The following BAALC variants were observed in gnomAD, a reference collection of about 807,000 sequenced individuals.
BAALC encodes brain and acute leukemia cytoplasmic protein.
In BAALC, 9 loss-of-function variants were observed where a neutral mutation model predicts 15.5. The observed-to-expected ratio is 0.58, with a 90% CI of 0.35 to 1.02. BAALC has a LOEUF of 1.02. BAALC is among the 50% of genes least tolerant of loss of function. The probability of loss-of-function intolerance (pLI) is 0.02; values close to 1 mark genes in which losing one functional copy is unlikely to be tolerated. For missense variants in BAALC, 201 were observed against 192.4 expected, an observed-to-expected ratio of 1.04 and a Z score of -0.27; for synonymous variants, 80 against 74.6, an observed-to-expected ratio of 1.07 and a Z score of -0.37.
intron 1 of BAALC, among the ~76,000 whole-genome samples, chr8:103,171,380 G>C (rs375670188): frequency 0.024 from 2,926 of 120,848 alleles, 108 homozygotes; most frequent in African/African-American, 0.078. Context: ...AGAAAGAAAG[G>C]CAAGAGAGGA....
At chr8:103,184,207 C>T (rs1006007265) in intron 1 of BAALC, among the ~76,000 whole-genome samples, 1 of 152,190 alleles carries the variant, frequency 6.6e-6, no homozygotes, top group Non-Finnish European at 1.5e-5. Context: ...ATTGGGCCCA[C>T]CAGGATATTT....
chr8:103,174,510 T>G (rs1310028597), intron 1 of BAALC, among the ~76,000 whole-genome samples: 1 of 152,214 alleles, frequency 6.6e-6, no homozygotes, highest in African/African-American at 2.4e-5. Flanking sequence ...TTTTCTGGGC[T>G]CAACTTGTGA....
chr8:103,212,927 G>A lies in BAALC; in HGVS notation c.169G>A (p.Glu57Lys), dbSNP rs1370812966. ...CTGCTTACCTCCCCCAGGCATGCTGGAAGATGGACTGCCCTCCAATGGTGT... is the reference window on the plus strand; with the variant it reads ...CTGCTTACCTCCCCCAGGCATGCTGAAAGATGGACTGCCCTCCAATGGTGT... ...EAGGLHSGML[E>K]DGLPSNGVPR... is the part of the protein sequence containing the mutation. Residue 57 changes from glutamate to lysine, a missense_variant, in exon 2 of 3, where the codon GAA becomes AAA. Physicochemically the swap from Glu to Lys is moderately conservative, Grantham distance 56. Coordinates refer to ENST00000309982, the MANE Select transcript of BAALC (RefSeq NM_024812.3). 2.5e-6 allele frequency: 4 copies of A among 1,612,816 alleles called. No homozygotes were observed. The highest frequency in any genetic ancestry group is 3.4e-6 in the Non-Finnish European group (4 of 1,179,160).
chr8:103,212,832 A>C, intron 1 of BAALC, 87 bp from the exon 2 acceptor site: 3 of 1,416,314 alleles, frequency 2.1e-6, no homozygotes, highest in Non-Finnish European at 2.8e-6. Context: ...TTTCATTTTG[A>C]CTATCTGTTT....
intron 2 of BAALC, among the ~76,000 whole-genome samples, chr8:103,216,400 G>A (rs1306181792): frequency 6.6e-6 from 1 of 152,104 alleles, no homozygotes; most frequent in Non-Finnish European, 1.5e-5. Flanking sequence ...TTCCAGTTAT[G>A]GAACAAAAGA....
At chr8:103,181,481 C>T (rs1446153817) in intron 1 of BAALC, among the ~76,000 whole-genome samples, 7 of 152,044 alleles carry the variant, frequency 4.6e-5, no homozygotes, top group Admixed American at 3.3e-4. Flanking sequence ...ACCATGTTAG[C>T]CAGGATGGTC....
intron 1 of BAALC, among the ~76,000 whole-genome samples, chr8:103,167,950 C>A (rs892450890): frequency 2.0e-5 from 3 of 152,096 alleles, no homozygotes; most frequent in African/African-American, 7.2e-5. Flanking sequence ...CTTAGCTGAC[C>A]CTTAGATTAG....
At chr8:103,151,913 G>T (rs1487040784) in intron 1 of BAALC, among the ~76,000 whole-genome samples, 2 of 152,048 alleles carry the variant, frequency 1.3e-5, no homozygotes, top group Non-Finnish European at 2.9e-5. Context: ...TGACAAGGTT[G>T]CCCCTTGTTG....
chr8:103,154,816 T>C (rs933652723), intron 1 of BAALC: 45 of 154,474 alleles, frequency 2.9e-4, no homozygotes, highest in Non-Finnish European at 1.5e-5. Flanking sequence ...TATTATACTG[T>C]ATACTCTTAA....
At chr8:103,189,351 G>A (rs1329365795) in intron 1 of BAALC, among the ~76,000 whole-genome samples, 1 of 152,160 alleles carries the variant, frequency 6.6e-6, no homozygotes, top group Non-Finnish European at 1.5e-5. Context: ...AAACATTATT[G>A]TATTTTTCAT....
rs1586426137 is a variant in BAALC at position 103,201,306 on chromosome 8, C to T, written c.161-11613C>T. On this transcript the variant is annotated intron_variant, in intron 1 of 2. Transcript: ENST00000309982. ...AGGGGCATTATGATTCTGAGGACCA[C>T]CCCTCATGTGCAACCCCTGGGACTT... Among the ~76,000 whole-genome samples the T allele has an allele frequency of 2.6e-5, 4 of 152,168 alleles. No homozygotes were observed. In the East Asian group the frequency reaches 5.8e-4, roughly 22 times the overall value.
intron 1 of BAALC, among the ~76,000 whole-genome samples, chr8:103,187,706 C>T (rs889267904): frequency 6.6e-6 from 1 of 152,168 alleles, no homozygotes; most frequent in Admixed American, 6.5e-5. Context: ...ACCTCTGGGG[C>T]TTGGCTTATC....
At chr8:103,181,483 A>T (rs895203482) in intron 1 of BAALC, among the ~76,000 whole-genome samples, 2 of 152,120 alleles carry the variant, frequency 1.3e-5, no homozygotes, top group African/African-American at 4.8e-5. Context: ...CATGTTAGCC[A>T]GGATGGTCTC....
chr8:103,151,782 C>T (rs10955310), intron 1 of BAALC, among the ~76,000 whole-genome samples: 75,762 of 151,746 alleles, frequency 0.5, 18,928 homozygotes, highest in Middle Eastern at 0.56. Flanking sequence ...ACAGACTTGC[C>T]GTGAATTCTC....
At position 103,229,816 on chromosome 8, in the gene BAALC, TA is replaced by T. The variant is rs2130113034; in HGVS notation, c.*1718del. 1 of 152,344 alleles carries T rather than the reference TA, an allele frequency of 6.6e-6. No homozygotes were observed. The highest frequency in any genetic ancestry group is 1.5e-5 in the Non-Finnish European group (1 of 68,030). 9.4% of individuals were successfully genotyped at this position (152,344 alleles called of 1,614,324 possible). On this transcript the variant is annotated 3_prime_UTR_variant, in exon 3 of 3. Transcript: ENST00000309982. The stretch of plus-strand genomic sequence containing the variant: ...TTGTGATTCTTTGAGAAAGGGCTTT[TA>T]GGAACTTTATGTTCTAAAAAATGTT...
chr8:103,174,812 A>T (rs755716530), intron 1 of BAALC, among the ~76,000 whole-genome samples: 1 of 152,314 alleles, frequency 6.6e-6, no homozygotes, highest in Non-Finnish European at 1.5e-5. Flanking sequence ...GAAGCTGGGG[A>T]ACATCTTTTA....
chr8:103,186,503 C>T (rs1359778422), intron 1 of BAALC, among the ~76,000 whole-genome samples: 2 of 152,306 alleles, frequency 1.3e-5, no homozygotes, highest in Non-Finnish European at 2.9e-5. Context: ...GATCTGGTTA[C>T]TTTTGAAAAT....
intron 1 of BAALC, among the ~76,000 whole-genome samples, chr8:103,165,133 G>A (rs1159408496): frequency 6.6e-6 from 1 of 152,170 alleles, no homozygotes; most frequent in African/African-American, 2.4e-5. Context: ...TGATAATATG[G>A]AAGCATAGCA....
intron 1 of BAALC, among the ~76,000 whole-genome samples, chr8:103,177,167 TTTG>T (rs139182843): frequency 0.33 from 50,028 of 150,036 alleles, 9,351 homozygotes; most frequent in Non-Finnish European, 0.43. Flanking sequence ...GTGCGGGTTT[TTTG>T]TTGTTGTTGT....
Sources: gnomAD v4.1 joint callset for allele counts (sites outside exome capture counted in the v4.1 genomes callset) on GRCh38, gnomAD v4.1.1 for gene constraint, MANE v1.5 for transcripts, NCBI Gene and HGNC (gene_info 2026-07-23, HGNC 2026-07-21) for gene names.